GSN: variants seen among roughly 807,000 people sequenced by gnomAD.
GSN encodes actin-depolymerizing factor.
A neutral mutation model predicts 85.7 loss-of-function variants in GSN; 56 were observed. The observed-to-expected ratio is 0.65, with a 90% CI of 0.53 to 0.82. The LOEUF (loss-of-function observed/expected upper bound fraction) is 0.82. Ranked by LOEUF, GSN falls within the 40% of genes least tolerant of loss-of-function variation. The probability of loss-of-function intolerance (pLI) is 0.00; values close to 1 mark genes in which losing one functional copy is unlikely to be tolerated. For synonymous variants in GSN, 373 were observed against 399.1 expected (o/e 0.93, Z 0.78); for missense variants, 857 against 979.8 (o/e 0.87, Z 1.67).
chr9:121,323,045 G>C (rs1026824948), intron 11 of GSN, among the ~76,000 whole-genome samples: 1 of 151,990 alleles, frequency 6.6e-6, no homozygotes, highest in Non-Finnish European at 1.5e-5. Context: ...ATGTTGCCCA[G>C]GCTGGTCTCG....
chr9:121,299,966 C>A lies in GSN; in HGVS notation c.-9-1997C>A, dbSNP rs763982358. The A allele has an allele frequency of 2.3e-6, 3 of 1,306,608 alleles. No individual in the cohort carries two copies. The South Asian group carries it at 8.8e-5, about 38-fold the overall frequency. 80.9% of individuals were successfully genotyped at this position (1,306,608 alleles called of 1,614,324 possible). A position where few individuals can be genotyped will look rare whatever the true frequency, so the allele number is the denominator to read the frequency against. ...CGGCCACTGCGTCGCGGGGGGCGTC[C>A]CAGGCGGGGGCGCCCCAGGGGCGGG... On this transcript the variant is annotated intron_variant, in intron 2 of 17. Transcript: ENST00000432226. This position sits in a 1 kb window ranked among gnomAD's most constrained non-coding sequence, Gnocchi z 4.2.
At chr9:121,215,562 C>T (rs778497789) in intron 4 of GSN, among the ~76,000 whole-genome samples, 3 of 151,894 alleles carry the variant, frequency 2.0e-5, no homozygotes, top group Admixed American at 6.6e-5. Flanking sequence ...GGTGTGGCGG[C>T]GAGTGCCTAT....
chr9:121,302,316 G>C, intron 3 of GSN, 149 bp downstream of exon 3: 1 of 883,750 alleles, frequency 1.1e-6, no homozygotes, highest in South Asian at 1.4e-5. Context: ...AGACGCTAGA[G>C]CCAGCCTGGC....
chr9:121,204,589 G>T (rs1211731169), upstream of GSN, among the ~76,000 whole-genome samples: 1 of 152,190 alleles, frequency 6.6e-6, no homozygotes, highest in East Asian at 1.9e-4. Flanking sequence ...AAGAGGGACT[G>T]TCCATTGGGT....
At chr9:121,266,460 C>T (rs942011225), upstream of GSN, among the ~76,000 whole-genome samples, 5 of 152,206 alleles carry the variant, frequency 3.3e-5, no homozygotes, top group Admixed American at 2.0e-4. Context: ...CCCCAGGCAG[C>T]CTCTGGAGAA....
chr9:121,328,960 T>C lies in GSN; in HGVS notation c.1832T>C (p.Met611Thr). 6.2e-7 allele frequency: 1 copy of C among 1,614,042 alleles called. No individual in the cohort carries two copies. Among genetic ancestry groups the C allele is most frequent in the African/African-American group, 1.3e-5 (1 of 75,068 alleles). The change falls in exon 15 of 18, where the codon ATG (methionine) becomes ACG (threonine). Residue 611 changes from methionine to threonine, a missense_variant. Transcript: ENST00000432226. ...RTSPRLKDKKMDAHPPRLFAC... is the reference protein window; with the variant it reads ...RTSPRLKDKKTDAHPPRLFAC... ...TCCCCACGGCTGAAGGACAAGAAGA[T>C]GGATGCCCATCCTCCTCGCCTCTTT...
intron 4 of GSN, among the ~76,000 whole-genome samples, chr9:121,212,237 T>C (rs1345860679): frequency 1.3e-5 from 2 of 152,354 alleles, no homozygotes; most frequent in Middle Eastern, 3.4e-3. Context: ...CCAGACTCTC[T>C]AATCCTTATC....
upstream of GSN, among the ~76,000 whole-genome samples, chr9:121,202,811 A>AT (rs1239551989): frequency 6.6e-6 from 1 of 152,152 alleles, no homozygotes; most frequent in Non-Finnish European, 1.5e-5. Context: ...CTGAAAGTTC[A>AT]TTTTTTTCTT....
intron 4 of GSN, among the ~76,000 whole-genome samples, chr9:121,227,539 C>G (rs1443548050): frequency 6.6e-6 from 1 of 152,048 alleles, no homozygotes; most frequent in Non-Finnish European, 1.5e-5. Context: ...AGATGATAAC[C>G]TACTACTTGC....
rs776935389 is a variant in GSN, at chr9:121,329,839, C to T, written c.1965+524C>T. 9.2e-5 allele frequency among the ~76,000 whole-genome samples: 14 copies of T among 152,144 alleles called. No homozygotes were observed. The highest frequency in any genetic ancestry group is 2.1e-4 in the Non-Finnish European group (14 of 68,036). Reference sequence around the variant, plus strand: ...ATATTAATTGGGCACTGCTTTGTGCCAGGTGCTTTATGTTTGAGATGCTGG... The same window carrying T: ...ATATTAATTGGGCACTGCTTTGTGCTAGGTGCTTTATGTTTGAGATGCTGG... On this transcript the variant is annotated intron_variant, in intron 16 of 17. Transcript: ENST00000432226. The surrounding 1 kb of genome is among the most constrained non-coding windows in gnomAD (Gnocchi z 4.6).
intron 2 of GSN, chr9:121,283,100 T>C (rs2057601044): frequency 6.0e-6 from 1 of 167,186 alleles, no homozygotes; most frequent in East Asian, 1.9e-4. Context: ...CTCCCTCCTT[T>C]TGCTTCTGGG....
chr9:121,318,382 A>G lies in GSN; in HGVS notation c.887-24A>G, dbSNP rs754773072. Reference sequence around the variant, plus strand: ...CAGGATCCCGGGCCTCTAACCCTCCATCACTTCCTCTGGCTGCCAACAGGC... The same window carrying G: ...CAGGATCCCGGGCCTCTAACCCTCCGTCACTTCCTCTGGCTGCCAACAGGC... On this transcript the variant is annotated intron_variant, in intron 8 of 17. Transcript: ENST00000432226. This position sits in a 1 kb window ranked among gnomAD's most constrained non-coding sequence, Gnocchi z 4.3. 9.4e-6 allele frequency: 15 copies of G among 1,602,680 alleles called. No individual in the cohort carries two copies. The highest frequency in any genetic ancestry group is 5.0e-5 in the Admixed American group (3 of 59,984).
At chr9:121,215,287 C>CA in intron 4 of GSN, among the ~76,000 whole-genome samples, 1 of 150,520 alleles carries the variant, frequency 6.6e-6, no homozygotes, top group African/African-American at 2.4e-5. Context: ...ACCTCATTTC[C>CA]AAAAAAGATC....
intron 4 of GSN, chr9:121,308,542 T>C (rs1211674575): frequency 6.6e-6 from 1 of 152,248 alleles, no homozygotes; most frequent in African/African-American, 2.4e-5. Context: ...TAGCTGGGCA[T>C]GGTGGTGCAC....
intron 2 of GSN, chr9:121,286,126 G>C: frequency 6.5e-7 from 1 of 1,535,558 alleles, no homozygotes; most frequent in South Asian, 1.2e-5. Context: ...GGCCCACATA[G>C]CTCCCCCCAG....
intron 12 of GSN, 43 bp downstream of exon 12, chr9:121,324,687 T>C (rs1211666605): frequency 6.4e-6 from 6 of 938,998 alleles, no homozygotes; most frequent in South Asian, 2.8e-5. Context: ...GCCTGAGCCT[T>C]GTCCTTCTCT....
chr9:121,326,180 A>C (rs76610892), intron 12 of GSN, among the ~76,000 whole-genome samples: 51 of 151,314 alleles, frequency 3.4e-4, no homozygotes, highest in East Asian at 7.8e-4. Flanking sequence ...TTCTGGAAGA[A>C]TGTCCACCAG....
At chr9:121,305,511 G>A (rs913763) in intron 4 of GSN, among the ~76,000 whole-genome samples, 57,163 of 152,132 alleles carry the variant, frequency 0.38, 13,389 homozygotes, top group South Asian at 0.6. Context: ...CACACAGCTA[G>A]TAAGTGATTG....
intron 11 of GSN, among the ~76,000 whole-genome samples, chr9:121,324,088 C>A (rs1010540874): frequency 6.6e-6 from 1 of 152,180 alleles, no homozygotes; most frequent in South Asian, 2.1e-4. Context: ...CACCATGGAC[C>A]TTTTTGGTGA....
Sources: gnomAD v4.1 joint callset for allele counts (sites outside exome capture counted in the v4.1 genomes callset) on GRCh38, gnomAD v4.1.1 for gene constraint, Gnocchi (gnomAD v3.1) non-coding constraint, MANE v1.5 for transcripts, NCBI Gene and HGNC (gene_info 2026-07-23, HGNC 2026-07-21) for gene names.